Variants in LONP2 observed in about 807,000 individuals in gnomAD.
The protein encoded by LONP2 is lon protease homolog 2, peroxisomal.
In LONP2, 60 loss-of-function variants were observed where a neutral mutation model predicts 85.6. The ratio of observed to expected loss-of-function variants is 0.70; its 90% CI spans 0.57 to 0.87. The LOEUF (loss-of-function observed/expected upper bound fraction) is 0.87, where lower values mean the gene tolerates loss of function less well. LONP2 is among the 40% of genes least tolerant of loss of function. The pLI, the probability that LONP2 is intolerant of heterozygous loss-of-function variation, is 0.00. For missense variants in LONP2, 860 were observed against 1,063.5 expected (o/e 0.81, Z 2.66); for synonymous variants, 395 against 389.7 (o/e 1.01, Z -0.16).
chr16:48,355,856 A>C lies in LONP2; in HGVS notation c.*4054A>C, dbSNP rs1960328049. On this transcript the variant is annotated 3_prime_UTR_variant, in exon 15 of 15. Coordinates refer to ENST00000285737, the MANE Select transcript of LONP2 (RefSeq NM_031490.5). ...TTATTAACTCTAGAAATTTTAGTTT[A>C]AACTAGACTTAGGGATATGTGTATT... 6.6e-6 allele frequency: 1 copy of C among 152,228 alleles called. No individual in the cohort carries two copies. Among genetic ancestry groups the C allele is most frequent in the Admixed American group, 6.5e-5 (1 of 15,280 alleles). The allele number at this position is 152,228 out of a possible 1,614,324, so 9.4% of individuals were successfully genotyped here.
intron 7 of LONP2, among the ~76,000 whole-genome samples, chr16:48,272,569 A>G (rs1972126809): frequency 6.6e-6 from 1 of 152,216 alleles, no homozygotes; most frequent in Non-Finnish European, 1.5e-5. Context: ...TTGTGTTACA[A>G]TCACCATTGC....
At chr16:48,359,283 T>C (rs549976326), downstream of LONP2, among the ~76,000 whole-genome samples, 85 of 152,302 alleles carry the variant, frequency 5.6e-4, no homozygotes, top group African/African-American at 9.1e-4. Flanking sequence ...TTGAAAGATA[T>C]TGGGAGCCCT....
At chr16:48,337,680 C>T (rs1020081707) in intron 12 of LONP2, among the ~76,000 whole-genome samples, 1 of 151,998 alleles carries the variant, frequency 6.6e-6, no homozygotes, top group East Asian at 1.9e-4. Flanking sequence ...GTTCTTTGCA[C>T]CTCACAAGTG....
chr16:48,283,081 A>G (rs80080955), intron 8 of LONP2, among the ~76,000 whole-genome samples: 10,448 of 152,346 alleles, frequency 0.069, 462 homozygotes, highest in Non-Finnish European at 0.1. Flanking sequence ...GTCCAGAGCA[A>G]GGCCCTAAGG....
intron 8 of LONP2, 94 bp downstream of exon 8, chr16:48,277,573 C>T (rs1972238668): frequency 3.3e-6 from 4 of 1,228,074 alleles, no homozygotes; most frequent in African/African-American, 3.1e-5. Flanking sequence ...AGTGGTGTAG[C>T]TTTAGTTATG....
chr16:48,262,568 G>T (rs1011472926), intron 5 of LONP2, among the ~76,000 whole-genome samples: 2 of 152,220 alleles, frequency 1.3e-5, no homozygotes, highest in African/African-American at 4.8e-5. Context: ...AGAAGGGGCA[G>T]TTAAGTAGGC....
chr16:48,321,943 TC>T (rs974853813), intron 11 of LONP2, among the ~76,000 whole-genome samples: 1 of 151,264 alleles, frequency 6.6e-6, no homozygotes, highest in Non-Finnish European at 1.5e-5. Flanking sequence ...TTAATTTTTT[TC>T]TTTTTTTTTT....
chr16:48,289,757 GAT>G (rs1343770061), intron 8 of LONP2, among the ~76,000 whole-genome samples: 5 of 152,088 alleles, frequency 3.3e-5, no homozygotes, highest in African/African-American at 1.2e-4. Context: ...AAATAAAAAA[GAT>G]AAATACAAAT....
intron 12 of LONP2, among the ~76,000 whole-genome samples, chr16:48,340,226 T>C (rs1306397180): frequency 6.6e-6 from 1 of 152,216 alleles, no homozygotes; most frequent in East Asian, 1.9e-4. Context: ...AATTTTAAAC[T>C]TAGTCTCTTT....
chr16:48,265,078 G>A (rs1000736227), intron 6 of LONP2, among the ~76,000 whole-genome samples: 3 of 152,046 alleles, frequency 2.0e-5, no homozygotes, highest in Admixed American at 6.6e-5. Context: ...ATTTTTTGCC[G>A]TTAAGTTTCA....
chr16:48,338,615 T>G (rs983161179), intron 12 of LONP2, among the ~76,000 whole-genome samples: 1 of 151,992 alleles, frequency 6.6e-6, no homozygotes, highest in Non-Finnish European at 1.5e-5. Context: ...ACATTACAGT[T>G]GAAATATCCA....
chr16:48,308,738 C>T (rs1972966768), intron 11 of LONP2, among the ~76,000 whole-genome samples: 3 of 151,902 alleles, frequency 2.0e-5, no homozygotes, highest in African/African-American at 7.3e-5. Flanking sequence ...TAGACGTTGC[C>T]ATAAACAAAG....
At chr16:48,274,798 T>G (rs1972172931) in intron 7 of LONP2, among the ~76,000 whole-genome samples, 1 of 152,198 alleles carries the variant, frequency 6.6e-6, no homozygotes, top group Non-Finnish European at 1.5e-5. Context: ...GACTTATCAT[T>G]GGATTTTAAG....
At chr16:48,246,658 T>C (rs191047105) in intron 1 of LONP2, among the ~76,000 whole-genome samples, 8 of 152,280 alleles carry the variant, frequency 5.3e-5, no homozygotes, top group Admixed American at 4.6e-4. Context: ...GCAACCTTGA[T>C]TGAACTCCTG....
chr16:48,361,152 A>C (rs369518856), downstream of LONP2: 1 of 167,076 alleles, frequency 6.0e-6, no homozygotes, highest in Middle Eastern at 3.2e-3. Context: ...TTGACTCACA[A>C]AGGGAAAAGC....
chr16:48,295,921 C>T, intron 8 of LONP2, 94 bp from the exon 9 acceptor site: 1 of 1,169,508 alleles, frequency 8.6e-7, no homozygotes, highest in Non-Finnish European at 1.2e-6. Flanking sequence ...AGCAGAAATA[C>T]CAACCTTGCC....
chr16:48,267,584 G>C (rs368605807), intron 6 of LONP2, among the ~76,000 whole-genome samples: 9 of 151,854 alleles, frequency 5.9e-5, no homozygotes, highest in African/African-American at 1.9e-4. Flanking sequence ...ACAGACCTGA[G>C]CCACTGTGTC....
At chr16:48,263,057 A>G (rs1156727671) in intron 6 of LONP2, among the ~76,000 whole-genome samples, 185 bp downstream of exon 6, 2 of 152,240 alleles carry the variant, frequency 1.3e-5, no homozygotes, top group Non-Finnish European at 2.9e-5. Context: ...TAATGAATAC[A>G]TCTCAGTGAG....
At chr16:48,266,783 G>C (rs2150973725) in intron 6 of LONP2, among the ~76,000 whole-genome samples, 1 of 152,042 alleles carries the variant, frequency 6.6e-6, no homozygotes, top group South Asian at 2.1e-4. Flanking sequence ...GTTGTTTTCA[G>C]TTTTTTGGCT....
Sources: allele counts gnomAD v4.1 joint callset (sites outside exome capture counted in the v4.1 genomes callset), GRCh38; gene constraint gnomAD v4.1.1; transcripts MANE v1.5; gene names NCBI Gene and HGNC (gene_info 2026-07-23, HGNC 2026-07-21).